RCL1: variants seen among roughly 807,000 people sequenced by gnomAD.
RCL1 encodes RNA terminal phosphate cyclase like 1.
A neutral mutation model predicts 42.4 loss-of-function variants in RCL1; 24 were observed. The observed-to-expected ratio is 0.57, with a 90% CI of 0.41 to 0.80. The LOEUF is 0.80. RCL1 is among the 30% of genes least tolerant of loss of function. RCL1 has a pLI of 0.00. For missense variants in RCL1, 578 were observed against 467.9 expected (o/e 1.24, Z -2.17); for synonymous variants, 228 against 177.3 (o/e 1.29, Z -2.27).
At chr9:4,794,856 G>T (rs1409889990) in intron 1 of RCL1, among the ~76,000 whole-genome samples, 1 of 152,130 alleles carries the variant, frequency 6.6e-6, no homozygotes, top group Admixed American at 6.6e-5. Context: ...CAAGAACAGG[G>T]CTTGGCCACT....
chr9:4,817,568 G>T (rs1816427408), intron 1 of RCL1, among the ~76,000 whole-genome samples: 1 of 151,480 alleles, frequency 6.6e-6, no homozygotes, highest in African/African-American at 2.4e-5. Context: ...CAACCTCTTG[G>T]GCTCAAGGGA....
At chr9:4,856,803 C>T (rs1359525465) in intron 8 of RCL1, among the ~76,000 whole-genome samples, 1 of 152,138 alleles carries the variant, frequency 6.6e-6, no homozygotes, top group Non-Finnish European at 1.5e-5. Context: ...CAGCACTGAC[C>T]AGAACTCCTG....
chr9:4,820,826 C>T (rs899738983), intron 1 of RCL1, among the ~76,000 whole-genome samples: 7 of 152,150 alleles, frequency 4.6e-5, no homozygotes, highest in East Asian at 3.8e-4. Flanking sequence ...AATTCAATTC[C>T]GTCGTTCAGA....
intron 8 of RCL1, among the ~76,000 whole-genome samples, chr9:4,857,736 A>G (rs889178978): frequency 6.6e-6 from 1 of 152,160 alleles, no homozygotes; most frequent in Non-Finnish European, 1.5e-5. Context: ...CCAGCAGTGT[A>G]TGAGGGTTCT....
At chr9:4,838,713 A>T (rs952504014) in intron 5 of RCL1, among the ~76,000 whole-genome samples, 2 of 152,152 alleles carry the variant, frequency 1.3e-5, no homozygotes, top group Non-Finnish European at 2.9e-5. Flanking sequence ...GGTTTTCATA[A>T]ATGGGCTTTA....
intron 1 of RCL1, among the ~76,000 whole-genome samples, chr9:4,802,699 C>T (rs1335746659): frequency 1.3e-5 from 2 of 152,128 alleles, no homozygotes; most frequent in South Asian, 2.1e-4. Flanking sequence ...TTTATTAAGG[C>T]AGGTAACTAC....
chr9:4,816,044 G>T (rs181772368), intron 1 of RCL1, among the ~76,000 whole-genome samples: 3 of 152,148 alleles, frequency 2.0e-5, no homozygotes, highest in Non-Finnish European at 4.4e-5. Flanking sequence ...AGTTATTTGT[G>T]TTAAAGTCTA....
chr9:4,821,351 C>A (rs1369616686), intron 1 of RCL1, among the ~76,000 whole-genome samples: 1 of 152,116 alleles, frequency 6.6e-6, no homozygotes, highest in African/African-American at 2.4e-5. Flanking sequence ...TCAGGGCAGT[C>A]TGTTTGGCAT....
chr9:4,820,888 C>T lies in RCL1; in HGVS notation c.137-2660C>T, dbSNP rs562418819. 8.5e-5 allele frequency among the ~76,000 whole-genome samples: 13 copies of T among 152,288 alleles called. No homozygotes were observed. In the East Asian group the frequency reaches 2.5e-3, roughly 29 times the overall value. On this transcript the variant is annotated intron_variant, in intron 1 of 8. Transcript: ENST00000381750. ...TACATCACAACCTATTACACATACA[C>T]ATATGTGTAAAACAGACTGAAGTTT...
In RCL1 at chr9:4,835,616, A is replaced by G. The variant is rs7045655; in HGVS notation, c.584+1351A>G. Among the ~76,000 whole-genome samples, 1,031 of 152,330 alleles carry G rather than the reference A, an allele frequency of 6.8e-3. 12 individuals are homozygous for G. The highest frequency in any genetic ancestry group is 0.023 in the African/African-American group (953 of 41,568). On this transcript the variant is annotated intron_variant, in intron 5 of 8. Coordinates refer to ENST00000381750, the MANE Select transcript of RCL1 (RefSeq NM_005772.5). ...CCTCCCTTTTACAAAAAGATTGGTA[A>G]GGATTTGAGTGTTTTTGTAGGTTGT...
chr9:4,823,569 G>C lies in RCL1; in HGVS notation c.158G>C (p.Arg53Thr), dbSNP rs1410665597. The C allele has an allele frequency of 4.3e-6, 7 of 1,610,522 alleles. No individual in the cohort carries two copies. The highest frequency in any genetic ancestry group is 2.2e-5 in the East Asian group (1 of 44,582). ...GLRDFEASFI[R>T]LLDKITNGSR... ...ACAGATTTTGAAGCCAGCTTCATAA[G>C]GCTATTGGACAAAATAACGAATGGT... Residue 53 changes from arginine (R) to threonine (T), a missense_variant, in exon 2 of 9, where the codon AGG becomes ACG. Physicochemically the swap from Arg to Thr is moderately conservative, Grantham distance 71. Coordinates refer to ENST00000381750, the MANE Select transcript of RCL1 (RefSeq NM_005772.5).
intron 1 of RCL1, among the ~76,000 whole-genome samples, chr9:4,817,943 A>G (rs1283386567): frequency 1.3e-5 from 1 of 77,366 alleles, no homozygotes; most frequent in East Asian, 3.7e-4. Flanking sequence ...TTTTTGAGAC[A>G]GAATTTGGCT....
intron 1 of RCL1, among the ~76,000 whole-genome samples, chr9:4,818,111 G>T (rs1816456337): frequency 6.6e-6 from 1 of 151,634 alleles, no homozygotes; most frequent in South Asian, 2.1e-4. Context: ...AGTAGAGACA[G>T]GGTGTCACCA....
chr9:4,812,701 T>C (rs374579983), intron 1 of RCL1, among the ~76,000 whole-genome samples: 146 of 152,278 alleles, frequency 9.6e-4, no homozygotes, highest in African/African-American at 3.4e-3. Context: ...TTGATAGGGA[T>C]TGCATTGAAT....
Position 4,805,129 on chromosome 9 carries a change from G to A in RCL1, c.136+11902G>A, listed in dbSNP as rs545585980. On this transcript the variant is annotated intron_variant, in intron 1 of 8. Coordinates refer to ENST00000381750, the MANE Select transcript of RCL1 (RefSeq NM_005772.5). ...GGGTATCTCAAAGCCAATGAAGAGG[G>A]GATAGAAAGATTAGAAATGAAGCCT... is the stretch of plus-strand genomic sequence containing the variant. Among the ~76,000 whole-genome samples, 9 of 152,276 alleles carry A rather than the reference G, an allele frequency of 5.9e-5. No homozygotes were observed. In the South Asian group the frequency reaches 1.9e-3, roughly 32 times the overall value.
chr9:4,854,167 C>A (rs138521115), intron 8 of RCL1, among the ~76,000 whole-genome samples: 15 of 152,134 alleles, frequency 9.9e-5, no homozygotes, highest in African/African-American at 2.9e-4. Context: ...GGTCACTGAC[C>A]TGCTTATGGT....
intron 1 of RCL1, among the ~76,000 whole-genome samples, chr9:4,818,607 G>A (rs556479190): frequency 6.6e-6 from 1 of 152,214 alleles, no homozygotes; most frequent in Admixed American, 6.5e-5. Flanking sequence ...ATCCGGCCGG[G>A]CTAGGTGGCT....
chr9:4,857,951 C>T (rs866268253), intron 8 of RCL1, among the ~76,000 whole-genome samples: 2,436 of 29,790 alleles, frequency 0.082, 114 homozygotes, highest in African/African-American at 0.24. Context: ...TTTTTTTTTT[C>T]AGTGAGTCTT....
At chr9:4,812,953 T>C (rs1405284995) in intron 1 of RCL1, among the ~76,000 whole-genome samples, 3 of 152,218 alleles carry the variant, frequency 2.0e-5, no homozygotes, top group Non-Finnish European at 2.9e-5. Flanking sequence ...GTTTATCAGT[T>C]CTAGGAGTTC....
Sources: allele counts gnomAD v4.1 joint callset (sites outside exome capture counted in the v4.1 genomes callset), GRCh38; gene constraint gnomAD v4.1.1; transcripts MANE v1.5; gene names NCBI Gene and HGNC (gene_info 2026-07-23, HGNC 2026-07-21).